The following GRM8 variants were observed in gnomAD, a reference collection of about 807,000 sequenced individuals.
GRM8 encodes glutamate metabotropic receptor 8.
In GRM8, 47 loss-of-function variants were observed where a neutral mutation model predicts 87.2. The observed-to-expected ratio is 0.54, with a 90% CI of 0.43 to 0.69. GRM8 has a LOEUF of 0.69. Ranked by LOEUF, GRM8 falls within the 30% of genes least tolerant of loss-of-function variation. The pLI is 0.00. For synonymous variants in GRM8, 396 were observed against 404.5 expected, an observed-to-expected ratio of 0.98 and a Z score of 0.25; for missense variants, 1,019 against 1,139.2, an observed-to-expected ratio of 0.89 and a Z score of 1.52.
At chr7:127,034,091 A>C (rs1462622361) in intron 3 of GRM8, among the ~76,000 whole-genome samples, 1 of 152,192 alleles carries the variant, frequency 6.6e-6, no homozygotes, top group Non-Finnish European at 1.5e-5. Context: ...GACAAACTAC[A>C]CAGTGATATC....
chr7:126,986,998 AAAG>A (rs1227969797), intron 3 of GRM8, among the ~76,000 whole-genome samples: 1 of 152,182 alleles, frequency 6.6e-6, no homozygotes, highest in African/African-American at 2.4e-5. Context: ...ACTGCGCGTA[AAAG>A]AAGTATCTTG....
rs190064353 is a variant in GRM8 at position 126,687,727 on chromosome 7, C to A, written c.1358-78229G>T. Among the ~76,000 whole-genome samples, 8 of 151,194 alleles carry A rather than the reference C, an allele frequency of 5.3e-5. No homozygotes were observed. The East Asian group carries it at 1.6e-3, about 29-fold the overall frequency. On this transcript the variant is annotated intron_variant, in intron 7 of 10. Coordinates refer to ENST00000339582, the MANE Select transcript of GRM8 (RefSeq NM_000845.3). ...TGCCTCACAACAGTGTGCAAGAATC[C>A]TACAGCTTCAGACTCTTGCCAAGAC...
chr7:126,653,565 A>G (rs137950191), intron 7 of GRM8, among the ~76,000 whole-genome samples: 63 of 152,312 alleles, frequency 4.1e-4, no homozygotes, highest in African/African-American at 1.4e-3. Flanking sequence ...AAGCACATAA[A>G]CCTTTACAGA....
intron 7 of GRM8, among the ~76,000 whole-genome samples, chr7:126,738,968 A>G (rs547271529): frequency 6.6e-6 from 1 of 152,062 alleles, no homozygotes; most frequent in East Asian, 1.9e-4. Context: ...GAGCAGCACA[A>G]ATGTTTGGAG....
At chr7:126,754,674 T>C (rs1270410880) in intron 7 of GRM8, among the ~76,000 whole-genome samples, 1 of 151,942 alleles carries the variant, frequency 6.6e-6, no homozygotes, top group Non-Finnish European at 1.5e-5. Flanking sequence ...TATTTCTATA[T>C]AAAGAGAGGT....
chr7:127,243,689 T>C (rs923062184), intron 1 of GRM8, among the ~76,000 whole-genome samples, 174 bp from the exon 2 acceptor site: 1 of 151,910 alleles, frequency 6.6e-6, no homozygotes, highest in Non-Finnish European at 1.5e-5. Context: ...AACAGGGAGA[T>C]TGATCATATT....
At chr7:126,520,879 G>A (rs1014349747) in intron 9 of GRM8, among the ~76,000 whole-genome samples, 27 of 151,876 alleles carry the variant, frequency 1.8e-4, no homozygotes, top group African/African-American at 5.6e-4. Flanking sequence ...TAATTATTTC[G>A]TGCTTTTTAT....
intron 6 of GRM8, among the ~76,000 whole-genome samples, chr7:126,845,986 T>C (rs1225075036): frequency 6.6e-6 from 1 of 151,944 alleles, no homozygotes; most frequent in Non-Finnish European, 1.5e-5. Context: ...ACTCTATTCT[T>C]CCTATAAAAA....
chr7:126,519,789 C>T (rs60826813), intron 9 of GRM8, among the ~76,000 whole-genome samples: 3,963 of 152,146 alleles, frequency 0.026, 156 homozygotes, highest in African/African-American at 0.087. Context: ...ATGTAGCTAG[C>T]AATTTTTTTC....
chr7:127,098,098 A>C (rs1824857583), intron 3 of GRM8, among the ~76,000 whole-genome samples: 1 of 152,198 alleles, frequency 6.6e-6, no homozygotes. Context: ...CTGCAGTTCC[A>C]ATTTGCAATT....
At chr7:126,960,152 T>C (rs1809159245) in intron 3 of GRM8, among the ~76,000 whole-genome samples, 2 of 152,160 alleles carry the variant, frequency 1.3e-5, no homozygotes, top group Non-Finnish European at 1.5e-5. Context: ...CTTCCAATTT[T>C]TCTACTCTGA....
chr7:126,557,272 T>C (rs1793249170), intron 8 of GRM8, among the ~76,000 whole-genome samples: 1 of 152,224 alleles, frequency 6.6e-6, no homozygotes, highest in Non-Finnish European at 1.5e-5. Flanking sequence ...TAAGACTGGA[T>C]AATGCTCTGG....
chr7:126,678,205 G>T (rs1381055201), intron 7 of GRM8, among the ~76,000 whole-genome samples: 1 of 152,058 alleles, frequency 6.6e-6, no homozygotes, highest in Non-Finnish European at 1.5e-5. Context: ...TCTTCTGAAG[G>T]TTAGGATTTA....
chr7:127,148,426 AAAT>A (rs1004498390), intron 2 of GRM8, among the ~76,000 whole-genome samples: 6 of 151,978 alleles, frequency 3.9e-5, no homozygotes, highest in African/African-American at 9.7e-5. Context: ...CAAAAAAAAA[AAAT>A]AATAAGGAAA....
chr7:127,207,250 A>G (rs1216432039), intron 2 of GRM8, among the ~76,000 whole-genome samples: 1 of 152,170 alleles, frequency 6.6e-6, no homozygotes, highest in Non-Finnish European at 1.5e-5. Flanking sequence ...TTTACTATCT[A>G]TGCATTTGAA....
chr7:127,046,468 A>G (rs1818941981), intron 3 of GRM8, among the ~76,000 whole-genome samples: 1 of 152,250 alleles, frequency 6.6e-6, no homozygotes, highest in South Asian at 2.1e-4. Flanking sequence ...CTTACTAGCA[A>G]ATGTCACTGT....
At chr7:127,086,573 C>T (rs185569125) in intron 3 of GRM8, among the ~76,000 whole-genome samples, 1 of 152,322 alleles carries the variant, frequency 6.6e-6, no homozygotes, top group African/African-American at 2.4e-5. Context: ...CTAGCCCAAG[C>T]TTCCCCTCCA....
chr7:126,788,702 C>T (rs79767918), intron 6 of GRM8, among the ~76,000 whole-genome samples: 1,729 of 150,612 alleles, frequency 0.011, 29 homozygotes, highest in African/African-American at 0.04. Flanking sequence ...CAGCAAACCA[C>T]GAGAGCGTTT....
intron 8 of GRM8, among the ~76,000 whole-genome samples, chr7:126,540,469 T>C (rs1036796390): frequency 9.9e-5 from 15 of 152,084 alleles, no homozygotes; most frequent in African/African-American, 3.4e-4. Flanking sequence ...AAACATATGT[T>C]CCCACAAAAA....
Sources: gnomAD v4.1 joint callset for allele counts (sites outside exome capture counted in the v4.1 genomes callset) on GRCh38, gnomAD v4.1.1 for gene constraint, MANE v1.5 for transcripts, NCBI Gene and HGNC (gene_info 2026-07-23, HGNC 2026-07-21) for gene names.